BLOC1S6: variants seen among roughly 807,000 people sequenced by gnomAD.
BLOC1S6 encodes biogenesis of lysosomal organelles complex 1 subunit 6.
BLOC1S6 carries 24 observed loss-of-function variants against 24.7 expected under a neutral mutation model. That is an observed-to-expected ratio of 0.97 (90% CI 0.70 to 1.37). The LOEUF (loss-of-function observed/expected upper bound fraction) is 1.37, where lower values mean the gene tolerates loss of function less well. Among genes scored for constraint, BLOC1S6 ranks in the 40% most tolerant of loss-of-function variants. The pLI, the probability that BLOC1S6 is intolerant of heterozygous loss-of-function variation, is 0.00. For synonymous variants in BLOC1S6, 76 were observed against 72.6 expected, an observed-to-expected ratio of 1.05 and a Z score of -0.23; for missense variants, 175 against 196.2, an observed-to-expected ratio of 0.89 and a Z score of 0.64.
chr15:45,597,883 G>A (rs745971712), intron 2 of BLOC1S6: 7 of 374,938 alleles, frequency 1.9e-5, no homozygotes, highest in South Asian at 1.2e-4. Flanking sequence ...GTATTAGCTT[G>A]GACTTAAAGT....
intron 2 of BLOC1S6, chr15:45,601,339 G>A (rs1022611918): frequency 1.3e-5 from 2 of 154,342 alleles, no homozygotes; most frequent in Non-Finnish European, 1.5e-5. Context: ...TTGGTATCAC[G>A]TCTTCCTTAA....
rs1893913544 is a variant in BLOC1S6 at position 45,592,215 on chromosome 15, G to A, written c.163G>A (p.Gly55Arg). The part of the protein sequence containing the change: ...EDKAVEQLAE[G>R]LLSHYLPDLQ... ...CAAAGCAGTGGAGCAACTGGCAGAA[G>A]GATTGCTTTCTCATTATTTGCCAGA... The change falls in exon 2 of 5, where the codon GGA becomes AGA. Residue 55 changes from glycine to arginine, a missense_variant. Coordinates refer to ENST00000220531, the MANE Select transcript of BLOC1S6 (RefSeq NM_012388.4). 3 of 1,614,144 alleles carry A rather than the reference G, an allele frequency of 1.9e-6. No individual in the cohort carries two copies. Among genetic ancestry groups the A allele is most frequent in the Non-Finnish European group, 2.5e-6 (3 of 1,180,022 alleles).
chr15:45,609,333 C>CAAAA lies in BLOC1S6; in HGVS notation c.*2822_*2823insAAAA, dbSNP rs757133275. ...TGAGACCCTGTTTCTAAAAACAAAA[C>CAAAA]AAACAAACAAACAAACAACGTATCT... On this transcript the variant is annotated 3_prime_UTR_variant, in exon 5 of 5. Transcript: ENST00000220531. The CAAAA allele has an allele frequency of 2.0e-5, 3 of 150,676 alleles. No homozygotes were observed. The highest frequency in any genetic ancestry group is 7.3e-5 in the African/African-American group (3 of 41,140). The allele number at this position is 150,676 out of a possible 1,614,324, so 9.3% of individuals were successfully genotyped here. A position where few individuals can be genotyped will look rare whatever the true frequency, so the allele number is the denominator to read the frequency against.
At chr15:45,593,386 G>GAAA (rs59495378) in intron 2 of BLOC1S6, among the ~76,000 whole-genome samples, 2,664 of 63,232 alleles carry the variant, frequency 0.042, 60 homozygotes, top group African/African-American at 0.046. Flanking sequence ...CTCTGTCTCC[G>GAAA]AAAAAAAAAA....
At chr15:45,605,149 T>C (rs1220286201) in intron 3 of BLOC1S6, among the ~76,000 whole-genome samples, 1 of 152,246 alleles carries the variant, frequency 6.6e-6, no homozygotes, top group Non-Finnish European at 1.5e-5. Flanking sequence ...TTTAGAATTA[T>C]ATGTTTTTAA....
At position 45,605,593 on chromosome 15, in the gene BLOC1S6, T is replaced by C. The variant is rs1446388537; in HGVS notation, c.399+79T>C. ...TTGTTGTTTTTTTTTTTTTTCAGTA[T>C]TCTTTTTTTTTTTGAGACGGAGTTT... On this transcript the variant is annotated intron_variant, in intron 4 of 4. Coordinates refer to ENST00000220531, the MANE Select transcript of BLOC1S6 (RefSeq NM_012388.4). The C allele has an allele frequency of 2.1e-5, 24 of 1,168,970 alleles. 1 individual carries two copies. The Admixed American group carries it at 5.7e-4, about 28-fold the overall frequency. The allele number at this position is 1,168,970 out of a possible 1,614,324, so 72.4% of individuals were successfully genotyped here. A position where few individuals can be genotyped will look rare whatever the true frequency, so the allele number is the denominator to read the frequency against.
intron 2 of BLOC1S6, among the ~76,000 whole-genome samples, chr15:45,595,172 T>C (rs1894025133): frequency 6.6e-6 from 1 of 152,172 alleles, no homozygotes; most frequent in South Asian, 2.1e-4. Flanking sequence ...TGAGACCCTA[T>C]CTCAACAACA....
intron 3 of BLOC1S6, 98 bp downstream of exon 3, chr15:45,603,285 T>C: frequency 1.3e-6 from 1 of 767,402 alleles, no homozygotes; most frequent in Non-Finnish European, 2.2e-6. Context: ...TTAGAATTTG[T>C]CTTTTTAACA....
At chr15:45,591,500 A>G (rs1254218922) in intron 1 of BLOC1S6, among the ~76,000 whole-genome samples, 1 of 152,022 alleles carries the variant, frequency 6.6e-6, no homozygotes, top group Non-Finnish European at 1.5e-5. Context: ...TGGTGCGATC[A>G]TAGCTCGCTG....
rs145937442 is a variant in BLOC1S6, at chr15:45,606,456, G to C, written c.461G>C (p.Arg154Pro). 6.2e-7 allele frequency: 1 copy of C among 1,614,020 alleles called. No homozygotes were observed. The highest frequency in any genetic ancestry group is 8.5e-7 in the Non-Finnish European group (1 of 1,180,032). Residue 154 changes from arginine to proline, a missense_variant, in exon 5 of 5, where the codon CGA becomes CCA. Coordinates refer to ENST00000220531, the MANE Select transcript of BLOC1S6 (RefSeq NM_012388.4). ...QKEELEREQQ[R>P]EKEFEREKQL... ...GAAGAGTTGGAAAGGGAGCAGCAACGAGAGAAGGAGTTTGAAAGAGAAAAG... is the reference window on the plus strand; with the variant it reads ...GAAGAGTTGGAAAGGGAGCAGCAACCAGAGAAGGAGTTTGAAAGAGAAAAG...
At chr15:45,598,983 G>C (rs1181126382) in intron 2 of BLOC1S6, 32 of 77,038 alleles carry the variant, frequency 4.2e-4, no homozygotes, top group East Asian at 1.3e-3. Context: ...TACCAAAACA[G>C]AGATATAAAT....
At chr15:45,587,693 C>A in intron 1 of BLOC1S6, 168 bp downstream of exon 1, 1 of 741,128 alleles carries the variant, frequency 1.3e-6, no homozygotes, top group Non-Finnish European at 2.4e-6. Flanking sequence ...CCCCTCTGCC[C>A]AGCGCAATGG....
chr15:45,587,899 C>T, intron 1 of BLOC1S6: 1 of 624,584 alleles, frequency 1.6e-6, no homozygotes, highest in Non-Finnish European at 2.9e-6. Flanking sequence ...ATAATATTGA[C>T]CACTCATGAA....
chr15:45,591,665 G>A (rs1893890845), intron 1 of BLOC1S6, among the ~76,000 whole-genome samples: 2 of 152,150 alleles, frequency 1.3e-5, no homozygotes, highest in Non-Finnish European at 2.9e-5. Context: ...GTGAGCCACT[G>A]CCCCTGGCCC....
chr15:45,604,281 C>G (rs564585401), intron 3 of BLOC1S6, among the ~76,000 whole-genome samples: 1 of 152,126 alleles, frequency 6.6e-6, no homozygotes, highest in East Asian at 1.9e-4. Flanking sequence ...TTTCTTTGGA[C>G]AAAGATGGTT....
chr15:45,591,976 A>G (rs891280593), intron 1 of BLOC1S6, 159 bp from the exon 2 acceptor site: 2 of 788,924 alleles, frequency 2.5e-6, no homozygotes, highest in Non-Finnish European at 3.9e-6. Context: ...GTCAATTTGA[A>G]AGGTTCCGGC....
chr15:45,606,744 T>C lies in BLOC1S6; in HGVS notation c.*230T>C, dbSNP rs1894481331. On this transcript the variant is annotated 3_prime_UTR_variant, in exon 5 of 5. Coordinates refer to ENST00000220531, the MANE Select transcript of BLOC1S6 (RefSeq NM_012388.4). The stretch of plus-strand genomic sequence containing the variant: ...TTTTGCTTAATTTTAAAATTTATTA[T>C]TTTGATCTTGAATTATTTATAAACT... 1.9e-6 allele frequency: 1 copy of C among 536,432 alleles called. No homozygotes were observed. The highest frequency in any genetic ancestry group is 2.8e-5 in the South Asian group (1 of 35,408). The allele number at this position is 536,432 out of a possible 1,614,324, so 33.2% of individuals were successfully genotyped here. A position where few individuals can be genotyped will look rare whatever the true frequency, so the allele number is the denominator to read the frequency against.
intron 2 of BLOC1S6, among the ~76,000 whole-genome samples, chr15:45,597,337 G>T (rs1025700593): frequency 6.6e-6 from 1 of 152,114 alleles, no homozygotes; most frequent in African/African-American, 2.4e-5. Context: ...AAGTCAGCCT[G>T]GCGTGGTGGT....
At chr15:45,603,233 C>G in intron 3 of BLOC1S6, 46 bp downstream of exon 3, 5 of 1,278,866 alleles carry the variant, frequency 3.9e-6, no homozygotes, top group Non-Finnish European at 5.5e-6. Flanking sequence ...CTTGTCTTAG[C>G]AATAGCTAAG....
Sources: gnomAD v4.1 joint callset for allele counts (sites outside exome capture counted in the v4.1 genomes callset) on GRCh38, gnomAD v4.1.1 for gene constraint, MANE v1.5 for transcripts, NCBI Gene and HGNC (gene_info 2026-07-23, HGNC 2026-07-21) for gene names.